AMACR: variants seen among roughly 807,000 people sequenced by gnomAD.
AMACR encodes 2-methylacyl-CoA racemase.
Under a neutral mutation model 22.2 loss-of-function variants are expected in AMACR, and 18 were observed. The observed-to-expected ratio is 0.81, with a 90% CI of 0.56 to 1.20. The LOEUF (loss-of-function observed/expected upper bound fraction) is 1.20, where lower values mean the gene tolerates loss of function less well. AMACR is among the 50% of genes most tolerant of loss of function. AMACR has a pLI of 0.00. For missense variants in AMACR, 499 were observed against 490.6 expected, an observed-to-expected ratio of 1.02 and a Z score of -0.16; for synonymous variants, 213 against 191.3, an observed-to-expected ratio of 1.11 and a Z score of -0.94.
At chr5:33,994,659 T>C (rs1042917968) in intron 4 of AMACR, among the ~76,000 whole-genome samples, 3 of 152,148 alleles carry the variant, frequency 2.0e-5, no homozygotes, top group African/African-American at 7.2e-5. Flanking sequence ...CTATCTCCTA[T>C]AGCACAAGTC....
Position 34,008,040 on chromosome 5 carries a change from T to A in AMACR, c.-21A>T, listed in dbSNP as rs1281692523. 1.2e-6 allele frequency: 2 copies of A among 1,607,632 alleles called. No homozygotes were observed. The highest frequency in any genetic ancestry group is 4.5e-5 in the East Asian group (2 of 44,838). On this transcript the variant is annotated 5_prime_UTR_variant, in exon 1 of 5. Transcript: ENST00000335606. The stretch of plus-strand genomic sequence containing the variant: ...GCCATGGCGCTTCCCAGTGCCCCGC[T>A]GAAGGAAACTGAGCAGCCCTTAGCC...
At chr5:33,997,648 G>T in intron 4 of AMACR, 2 of 693,746 alleles carry the variant, frequency 2.9e-6, no homozygotes, top group South Asian at 3.4e-5. Flanking sequence ...AATTTATTTG[G>T]AGCAGTGACA....
intron 4 of AMACR, 41 bp downstream of exon 4, chr5:33,998,600 A>G (rs1348622888): frequency 1.9e-6 from 3 of 1,556,160 alleles, no homozygotes; most frequent in Middle Eastern, 1.7e-4. Context: ...GAACATCCAC[A>G]GCAAAAGGGG....
At position 34,007,840 on chromosome 5, in the gene AMACR, C is replaced by G; in HGVS notation, c.180G>C (p.Pro60=). 2 of 1,579,500 alleles carry G rather than the reference C, an allele frequency of 1.3e-6. No individual in the cohort carries two copies. Among genetic ancestry groups the G allele is most frequent in the Non-Finnish European group, 1.7e-6 (2 of 1,166,104 alleles). Residue 60 remains proline, a synonymous_variant, in exon 1 of 5, where the codon CCG becomes CCC. Transcript: ENST00000335606. ...GACGCCGCAGCACGGCGGCTCCCCG[C>G]GGCTGCTTCAGGTCCAGCACTAGCG... The part of the protein sequence containing the change: ...KRSLVLDLKQ[P]RGAAVLRRLC...
intron 2 of AMACR, 85 bp from the exon 3 acceptor site, chr5:34,004,819 C>G: frequency 6.9e-7 from 1 of 1,451,340 alleles, no homozygotes. Context: ...GAGGAATAAT[C>G]AATCTCTCCA....
At position 34,004,697 on chromosome 5, in the gene AMACR, C is replaced by T. The variant is rs368427062; in HGVS notation, c.429G>A (p.Pro143=). The T allele has an allele frequency of 2.9e-5, 47 of 1,614,058 alleles. No individual in the cohort carries two copies. The highest frequency in any genetic ancestry group is 4.4e-5 in the South Asian group (4 of 91,096). The change falls in exon 3 of 5, where the codon CCG becomes CCA. Residue 143 remains proline, a synonymous_variant. Coordinates refer to ENST00000335606, the MANE Select transcript of AMACR (RefSeq NM_014324.6). ...CAGCCAGGAGATTCAGCGGGGCATA[C>T]GGATTCTCACCACTTCTGCCAATTT... The part of the protein sequence containing the change: ...LSKIGRSGEN[P]YAPLNLLADF...
In AMACR at chr5:33,986,555, T is replaced by C. The variant is rs188604001; in HGVS notation, c.*2538A>G. 63 of 152,390 alleles carry C rather than the reference T, an allele frequency of 4.1e-4. No homozygotes were observed. The highest frequency in any genetic ancestry group is 1.5e-3 in the African/African-American group (61 of 41,584). 9.4% of individuals were successfully genotyped at this position (152,390 alleles called of 1,614,324 possible). On this transcript the variant is annotated 3_prime_UTR_variant, in exon 5 of 5. Coordinates refer to ENST00000335606, the MANE Select transcript of AMACR (RefSeq NM_014324.6). ...TGTGCTGCCTGTCTGCTCAGATCTA[T>C]TTCCTTTGGTGCTCTTTATCTTATG... is the stretch of plus-strand genomic sequence containing the variant.
At chr5:33,992,061 A>C (rs560207135) in intron 4 of AMACR, among the ~76,000 whole-genome samples, 1 of 152,038 alleles carries the variant, frequency 6.6e-6, no homozygotes, top group East Asian at 1.9e-4. Flanking sequence ...TGTATTTTTT[A>C]GTAGAGATGG....
At chr5:33,993,902 A>G in intron 4 of AMACR, 1 of 347,450 alleles carries the variant, frequency 2.9e-6, no homozygotes, top group Non-Finnish European at 5.8e-6. Flanking sequence ...AGCTTTTGAA[A>G]ATTATCTACT....
At chr5:33,994,838 G>C (rs840409) in intron 4 of AMACR, among the ~76,000 whole-genome samples, 13,836 of 152,132 alleles carry the variant, frequency 0.091, 697 homozygotes, top group East Asian at 0.18. Context: ...TTAAGGGGTT[G>C]GAGCAATGAC....
In AMACR at chr5:33,989,298, A is replaced by T. The variant is rs113361629; in HGVS notation, c.944T>A (p.Phe315Tyr). The T allele has an allele frequency of 3.3e-5, 53 of 1,614,050 alleles. 2 individuals are homozygous for T. The highest frequency in any genetic ancestry group is 2.8e-4 in the African/African-American group (21 of 74,994). Reference protein sequence around the residue: ...HHDHNKERGSFITSEEQDVSP... With the variant: ...HHDHNKERGSYITSEEQDVSP... ...CACGTCCTGCTCCTCACTGGTGATA[A>T]ACGAGCCCCGTTCCTTGTTGTGATC... Residue 315 changes from phenylalanine to tyrosine, a missense_variant, in exon 5 of 5, where the codon TTT becomes TAT. By Grantham distance (22) the Phe-to-Tyr change is conservative. Transcript: ENST00000335606.
chr5:33,991,905 G>A (rs879386683), intron 4 of AMACR, among the ~76,000 whole-genome samples: 6 of 151,964 alleles, frequency 3.9e-5, no homozygotes, highest in Admixed American at 1.3e-4. Context: ...TTAAGACAGA[G>A]TCTCACACTA....
At chr5:33,999,563 C>G (rs1753747848) in intron 3 of AMACR, among the ~76,000 whole-genome samples, 1 of 152,182 alleles carries the variant, frequency 6.6e-6, no homozygotes, top group Admixed American at 6.5e-5. Flanking sequence ...AACTCAAAGG[C>G]TGAAGGCACT....
rs761649553 is a variant in AMACR at position 33,998,849 on chromosome 5, G to C, written c.553-22C>G. The C allele has an allele frequency of 5.6e-6, 9 of 1,608,964 alleles. No individual in the cohort carries two copies. In the South Asian group the frequency reaches 9.9e-5, roughly 18 times the overall value. On this transcript the variant is annotated intron_variant, in intron 3 of 4. Transcript: ENST00000335606. ...CCACCTTTGAGAAAACAGAATACAA[G>C]ACAAATCCAGATAACTCAAGTGTCA...
Position 34,004,600 on chromosome 5 carries a change from T to G in AMACR, c.526A>C (p.Lys176Gln). The G allele has an allele frequency of 6.2e-7, 1 of 1,614,142 alleles. No individual in the cohort carries two copies. The highest frequency in any genetic ancestry group is 8.5e-7 in the Non-Finnish European group (1 of 1,179,998). The change falls in exon 3 of 5, where the codon AAG becomes CAG. Residue 176 changes from lysine (K) to glutamine (Q), a missense_variant. Transcript: ENST00000335606. ...MALFDRTRTG[K>Q]GQVIDANMVE... The stretch of plus-strand genomic sequence containing the variant: ...ATATTTGCATCAATGACCTGACCCT[T>G]GCCAGTGCGTGTGCGGTCAAAAAGA...
chr5:33,997,914 G>GT (rs1366383955), intron 4 of AMACR, among the ~76,000 whole-genome samples: 1 of 152,156 alleles, frequency 6.6e-6, no homozygotes, highest in Non-Finnish European at 1.5e-5. Context: ...GCTACCAAAC[G>GT]TAACAATGAA....
chr5:34,006,210 C>T (rs553900682), intron 1 of AMACR, among the ~76,000 whole-genome samples: 1 of 152,312 alleles, frequency 6.6e-6, no homozygotes, highest in South Asian at 2.1e-4. Flanking sequence ...TTTTTCTATA[C>T]CGCATCAGTG....
chr5:34,004,804 T>A, intron 2 of AMACR, 70 bp from the exon 3 acceptor site: 4 of 1,517,598 alleles, frequency 2.6e-6, no homozygotes, highest in Non-Finnish European at 2.7e-6. Context: ...TATGTGAGCA[T>A]CTTAGAGGAA....
chr5:33,996,214 T>A (rs1247976862), intron 4 of AMACR, among the ~76,000 whole-genome samples: 1 of 152,186 alleles, frequency 6.6e-6, no homozygotes, highest in African/African-American at 2.4e-5. Context: ...GTGGTGTTAT[T>A]TATTGCAGCT....
Sources: allele counts gnomAD v4.1 joint callset (sites outside exome capture counted in the v4.1 genomes callset), GRCh38; gene constraint gnomAD v4.1.1; transcripts MANE v1.5; gene names NCBI Gene and HGNC (gene_info 2026-07-23, HGNC 2026-07-21).